The following ZCCHC24 variants were observed in gnomAD, a reference collection of about 807,000 sequenced individuals.
ZCCHC24 encodes zinc finger CCHC-type containing 24.
Under a neutral mutation model 26.2 loss-of-function variants are expected in ZCCHC24, and 10 were observed. That is an observed-to-expected ratio of 0.38 (90% CI 0.24 to 0.65). The LOEUF (loss-of-function observed/expected upper bound fraction) is 0.65. Among genes scored for constraint, ZCCHC24 ranks in the 30% least tolerant of loss-of-function variants. The pLI is 0.54. For synonymous variants in ZCCHC24, 144 were observed against 147.1 expected, an observed-to-expected ratio of 0.98 and a Z score of 0.15; for missense variants, 243 against 329.1, an observed-to-expected ratio of 0.74 and a Z score of 2.03.
chr10:79,442,674 C>T (rs1589682742), intron 1 of ZCCHC24, among the ~76,000 whole-genome samples: 1 of 152,208 alleles, frequency 6.6e-6, no homozygotes, highest in Non-Finnish European at 1.5e-5. Context: ...TGGGTCCCTC[C>T]GTAGAGTCCC....
chr10:79,435,497 G>A (rs1333225777), intron 1 of ZCCHC24, among the ~76,000 whole-genome samples: 1 of 152,204 alleles, frequency 6.6e-6, no homozygotes, highest in Admixed American at 6.5e-5. Flanking sequence ...CCTGCCCCAG[G>A]CAGCTCCACA....
At chr10:79,439,577 C>T (rs544067933) in intron 1 of ZCCHC24, among the ~76,000 whole-genome samples, 1 of 152,288 alleles carries the variant, frequency 6.6e-6, no homozygotes, top group African/African-American at 2.4e-5. Context: ...AATCTAACTA[C>T]TGAGACAGAC....
chr10:79,434,129 G>T lies in ZCCHC24; in HGVS notation c.247-1371C>A, dbSNP rs12252959. ...CCCTTTCCTTCTGGGACTCTGTTCC[G>T]TCTCGTGTGCATCTGGATCAGAGCC... On this transcript the variant is annotated intron_variant, in intron 1 of 3. Transcript: ENST00000372336. Among the ~76,000 whole-genome samples, 3 of 151,986 alleles carry T rather than the reference G, an allele frequency of 2.0e-5. No individual in the cohort carries two copies. The East Asian group carries it at 5.8e-4, about 29-fold the overall frequency.
chr10:79,389,130 TGGAG>T (rs1194187502), intron 3 of ZCCHC24, among the ~76,000 whole-genome samples: 1 of 152,194 alleles, frequency 6.6e-6, no homozygotes, highest in Non-Finnish European at 1.5e-5. Flanking sequence ...CTGTGTTTGA[TGGAG>T]GGGAACGTGT....
At position 79,386,378 on chromosome 10, in the gene ZCCHC24, C is replaced by T; in HGVS notation, c.693G>A (p.Lys231=). 1 of 1,613,180 alleles carries T rather than the reference C, an allele frequency of 6.2e-7. No homozygotes were observed. Among genetic ancestry groups the T allele is most frequent in the Non-Finnish European group, 8.5e-7 (1 of 1,179,542 alleles). The change falls in exon 4 of 4, where the codon AAG becomes AAA. Residue 231 remains lysine (K), a synonymous_variant. Transcript: ENST00000372336. The part of the protein sequence containing the change: ...EHPQHLCEKC[K]VLGYYCRRVQ Reference sequence around the variant, plus strand: ...CGCGACGGCAGTAGTAGCCCAGGACCTTGCACTTCTCGCAGAGGTGCTGCG... The same window carrying T: ...CGCGACGGCAGTAGTAGCCCAGGACTTTGCACTTCTCGCAGAGGTGCTGCG...
intron 2 of ZCCHC24, among the ~76,000 whole-genome samples, chr10:79,406,186 GAGA>G (rs1856709495): frequency 6.6e-6 from 1 of 152,226 alleles, no homozygotes; most frequent in Non-Finnish European, 1.5e-5. Flanking sequence ...TAGAGGCTCA[GAGA>G]GGTTAAGTCA....
intron 2 of ZCCHC24, among the ~76,000 whole-genome samples, chr10:79,430,213 A>T (rs1336470126): frequency 6.6e-6 from 1 of 152,076 alleles, no homozygotes; most frequent in African/African-American, 2.4e-5. Context: ...GCCTCATGGG[A>T]CAGGCGACGA....
chr10:79,441,141 C>A (rs1307674404), intron 1 of ZCCHC24, among the ~76,000 whole-genome samples: 14 of 148,928 alleles, frequency 9.4e-5, no homozygotes, highest in Non-Finnish European at 1.5e-5. Context: ...GGGAACCCAC[C>A]TGAGCTCCTT....
chr10:79,386,415 C>T lies in ZCCHC24; in HGVS notation c.656G>A (p.Ser219Asn). Reference protein sequence around the residue: ...KPDGLDVSDQSKEHPQHLCEK... With the variant: ...KPDGLDVSDQNKEHPQHLCEK... ...GCAGAGGTGCTGCGGGTGCTCCTTG[C>T]TCTGGTCGGACACGTCCAGGCCGTC... is the stretch of plus-strand genomic sequence containing the variant. The change falls in exon 4 of 4, where the codon AGC (serine) becomes AAC (asparagine). Residue 219 changes from serine to asparagine, a missense_variant. Transcript: ENST00000372336. 6.2e-7 allele frequency: 1 copy of T among 1,610,754 alleles called. No individual in the cohort carries two copies. Among genetic ancestry groups the T allele is most frequent in the Non-Finnish European group, 8.5e-7 (1 of 1,177,532 alleles).
chr10:79,420,596 T>C (rs961560981), intron 2 of ZCCHC24, among the ~76,000 whole-genome samples: 4 of 152,122 alleles, frequency 2.6e-5, no homozygotes, highest in Non-Finnish European at 4.4e-5. Flanking sequence ...CTGGCCAACA[T>C]GGAGAAACCC....
At chr10:79,417,745 T>C (rs572260851) in intron 2 of ZCCHC24, among the ~76,000 whole-genome samples, 2 of 152,152 alleles carry the variant, frequency 1.3e-5, no homozygotes, top group South Asian at 4.2e-4. Context: ...GAGCCAGGCA[T>C]GAGGAAGGCC....
chr10:79,423,902 C>T (rs1267426806), intron 2 of ZCCHC24, among the ~76,000 whole-genome samples: 1 of 151,194 alleles, frequency 6.6e-6, no homozygotes, highest in African/African-American at 2.4e-5. Context: ...CCTGTAATCC[C>T]AGCTACTCTG....
In ZCCHC24 at chr10:79,397,398, C is replaced by A. The variant is rs574637201; in HGVS notation, c.448-2958G>T. On this transcript the variant is annotated intron_variant, in intron 2 of 3. Coordinates refer to ENST00000372336, the MANE Select transcript of ZCCHC24 (RefSeq NM_153367.4). Reference sequence around the variant, plus strand: ...TTTGTAATAGAGGGGTCAACGTGTGCCTCTGAAGGCACACTGAGCTCTGTT... The same window carrying A: ...TTTGTAATAGAGGGGTCAACGTGTGACTCTGAAGGCACACTGAGCTCTGTT... Among the ~76,000 whole-genome samples the A allele has an allele frequency of 1.9e-3, 290 of 152,290 alleles. 1 individual carries two copies. Among genetic ancestry groups the A allele is most frequent in the African/African-American group, 6.7e-3 (280 of 41,558 alleles).
chr10:79,427,944 G>C (rs978585757), intron 2 of ZCCHC24, among the ~76,000 whole-genome samples: 3 of 152,176 alleles, frequency 2.0e-5, no homozygotes, highest in Non-Finnish European at 4.4e-5. Context: ...TATAAAATCA[G>C]TATCTTAACC....
chr10:79,393,876 C>T (rs565753149), intron 3 of ZCCHC24, among the ~76,000 whole-genome samples: 77 of 152,234 alleles, frequency 5.1e-4, no homozygotes, highest in African/African-American at 1.8e-3. Context: ...CCCTGTGCAG[C>T]TGCCTGAGGT....
At chr10:79,386,529 G>T in intron 3 of ZCCHC24, 71 bp from the exon 4 acceptor site, 1 of 1,264,758 alleles carries the variant, frequency 7.9e-7, no homozygotes, top group Non-Finnish European at 1.1e-6. Context: ...AGACAGACAG[G>T]GAGAGACACA....
chr10:79,387,836 A>C (rs141989064), intron 3 of ZCCHC24, among the ~76,000 whole-genome samples: 71 of 152,162 alleles, frequency 4.7e-4, no homozygotes, highest in African/African-American at 1.7e-3. Flanking sequence ...AGGTGGGGAG[A>C]CTGTGGTGGG....
intron 2 of ZCCHC24, among the ~76,000 whole-genome samples, chr10:79,407,288 T>C (rs1030023488): frequency 6.6e-6 from 1 of 152,180 alleles, no homozygotes; most frequent in African/African-American, 2.4e-5. Flanking sequence ...AGGCTGACTG[T>C]TGCACAGTAA....
Position 79,429,473 on chromosome 10 carries a change from C to T in ZCCHC24, c.447+3085G>A, listed in dbSNP as rs142614905. On this transcript the variant is annotated intron_variant, in intron 2 of 3. Coordinates refer to ENST00000372336, the MANE Select transcript of ZCCHC24 (RefSeq NM_153367.4). ...GGCAGCACCTGGATTCCCAGCTACT[C>T]GGGAGGCTGAGGCATGAGAATCACT... 1.4e-4 allele frequency among the ~76,000 whole-genome samples: 22 copies of T among 152,136 alleles called. 1 individual carries two copies. The East Asian group carries it at 4.3e-3, about 29-fold the overall frequency.
Sources: gnomAD v4.1 joint callset for allele counts (sites outside exome capture counted in the v4.1 genomes callset) on GRCh38, gnomAD v4.1.1 for gene constraint, MANE v1.5 for transcripts, NCBI Gene and HGNC (gene_info 2026-07-23, HGNC 2026-07-21) for gene names.